Variants in SYNC observed in about 807,000 individuals in gnomAD.
SYNC encodes syncoilin.
Under a neutral mutation model 49.5 loss-of-function variants are expected in SYNC, and 38 were observed. The observed-to-expected ratio is 0.77, with a 90% CI of 0.59 to 1.01. The LOEUF is 1.01. Among genes scored for constraint, SYNC ranks in the 50% least tolerant of loss-of-function variants. The pLI is 0.00. For missense variants in SYNC, 579 were observed against 580.6 expected (o/e 1.00, Z 0.03); for synonymous variants, 201 against 230.8 (o/e 0.87, Z 1.17).
intron 3 of SYNC, 71 bp from the exon 4 acceptor site, chr1:32,684,160 T>C (rs1649646416): frequency 6.2e-7 from 1 of 1,606,122 alleles, no homozygotes; most frequent in Non-Finnish European, 8.5e-7. Flanking sequence ...TCCCAAATCC[T>C]CTTTTTGTTT....
In SYNC at chr1:32,684,101, G is replaced by C. The variant is rs905859980; in HGVS notation, c.1359-12C>G. On this transcript the variant is annotated splice_polypyrimidine_tract_variant and intron_variant, in intron 3 of 4. Coordinates refer to ENST00000409190, the MANE Select transcript of SYNC (RefSeq NM_030786.3). The stretch of plus-strand genomic sequence containing the variant: ...GTAGTAGCATAGCCCTTTAAAAAGA[G>C]AGAGCCATTTTCCATGTGTTTTTGG... 2 of 1,612,722 alleles carry C rather than the reference G, an allele frequency of 1.2e-6. No individual in the cohort carries two copies. Among genetic ancestry groups the C allele is most frequent in the Non-Finnish European group, 1.7e-6 (2 of 1,179,310 alleles).
chr1:32,684,452 A>T (rs1649678205), intron 2 of SYNC, 70 bp from the exon 3 acceptor site: 1 of 1,602,988 alleles, frequency 6.2e-7, no homozygotes, highest in African/African-American at 1.3e-5. Flanking sequence ...ACTCTTACTT[A>T]TAAAACACTT....
rs1649453965 is a variant in SYNC at position 32,681,785 on chromosome 1, T to A, written c.*65A>T. On this transcript the variant is annotated 3_prime_UTR_variant, in exon 5 of 5. Transcript: ENST00000409190. Reference sequence around the variant, plus strand: ...TGGTTGGAAGAGTACATCCAAAGGGTACTTAGTGATCCTTTGCTAAGAAGT... The same window carrying A: ...TGGTTGGAAGAGTACATCCAAAGGGAACTTAGTGATCCTTTGCTAAGAAGT... The A allele has an allele frequency of 6.2e-7, 1 of 1,613,996 alleles. No homozygotes were observed. Among genetic ancestry groups the A allele is most frequent in the South Asian group, 1.1e-5 (1 of 91,074 alleles).
In SYNC at chr1:32,691,585, G is replaced by A. The variant is rs138442788; in HGVS notation, c.1233+3280C>T. On this transcript the variant is annotated intron_variant, in intron 2 of 4. Transcript: ENST00000409190. ...AAAAAAAAAGTAGCAAGGCAATCAT[G>A]TTACTTCCCTGATTAAATCCCTTTA... Among the ~76,000 whole-genome samples, 21 of 150,304 alleles carry A rather than the reference G, an allele frequency of 1.4e-4. No homozygotes were observed. In the East Asian group the frequency reaches 3.9e-3, roughly 28 times the overall value.
At chr1:32,684,454 A>G in intron 2 of SYNC, 72 bp from the exon 3 acceptor site, 1 of 1,602,226 alleles carries the variant, frequency 6.2e-7, no homozygotes, top group Non-Finnish European at 8.5e-7. Context: ...TCTTACTTAT[A>G]AAACACTTTT....
In SYNC at chr1:32,681,861, C is replaced by T. The variant is rs574336413; in HGVS notation, c.1439-1G>A. On this transcript the variant is annotated splice_acceptor_variant, in intron 4 of 4. Transcript: ENST00000409190. LOFTEE classifies it high-confidence loss of function. ...TTGGCCATATATTTCTAAACAGCCCCTGTAAAGTTGAAAGAAAAAGTTTAT... is the reference window on the plus strand; with the variant it reads ...TTGGCCATATATTTCTAAACAGCCCTTGTAAAGTTGAAAGAAAAAGTTTAT... The T allele has an allele frequency of 3.1e-6, 5 of 1,614,052 alleles. No homozygotes were observed. The African/African-American group carries it at 4.0e-5, about 13-fold the overall frequency.
rs577008336 is a variant in SYNC at position 32,700,752 on chromosome 1, G to A, written c.53+1856C>T. Among the ~76,000 whole-genome samples the A allele has an allele frequency of 9.9e-4, 151 of 152,224 alleles. 1 individual carries two copies. Among genetic ancestry groups the A allele is most frequent in the Admixed American group, 3.1e-3 (48 of 15,266 alleles). On this transcript the variant is annotated intron_variant, in intron 1 of 4. Coordinates refer to ENST00000409190, the MANE Select transcript of SYNC (RefSeq NM_030786.3). ...CTATTATCTCCATTTTATAGATGAG[G>A]AAGCCAATGCACAGAGTAAGAACTC...
In SYNC at chr1:32,680,719, G is replaced by C; in HGVS notation, c.*1131C>G. ...AAACACCAGTCTCTGGCTTCTAGAA[G>C]AGTCCTTCAGATGACAGTTGTTGTC... On this transcript the variant is annotated 3_prime_UTR_variant, in exon 5 of 5. Transcript: ENST00000409190. 1.7e-6 allele frequency: 1 copy of C among 580,486 alleles called. No homozygotes were observed. Among genetic ancestry groups the C allele is most frequent in the East Asian group, 3.1e-5 (1 of 32,566 alleles). The allele number at this position is 580,486 out of a possible 1,614,324, so 36.0% of individuals were successfully genotyped here. A position where few individuals can be genotyped will look rare whatever the true frequency, so the allele number is the denominator to read the frequency against.
chr1:32,686,350 A>G (rs1239870908), intron 2 of SYNC: 1 of 152,178 alleles, frequency 6.6e-6, no homozygotes, highest in Non-Finnish European at 1.5e-5. Flanking sequence ...TTTTTCACCT[A>G]GACAGCCAGT....
intron 2 of SYNC, among the ~76,000 whole-genome samples, chr1:32,693,607 C>T (rs1650269452): frequency 1.3e-5 from 2 of 152,210 alleles, no homozygotes; most frequent in African/African-American, 4.8e-5. Context: ...AGCACATGTG[C>T]TCTGAGCCTT....
intron 2 of SYNC, among the ~76,000 whole-genome samples, chr1:32,692,156 C>T (rs747897145): frequency 9.2e-5 from 14 of 152,126 alleles, no homozygotes; most frequent in South Asian, 2.1e-4. Flanking sequence ...GGCGCGAACC[C>T]GGGAGGCAGA....
chr1:32,688,079 C>G (rs2148551273), intron 2 of SYNC, among the ~76,000 whole-genome samples: 1 of 152,078 alleles, frequency 6.6e-6, no homozygotes, highest in Admixed American at 6.6e-5. Flanking sequence ...AGGTGATCCA[C>G]CTGCCTCGGC....
In SYNC at chr1:32,696,055, A is replaced by T. The variant is rs1186121913; in HGVS notation, c.54-11T>A. ...TCTACTCTTGTTTTCCTGCAAAAGA[A>T]ATGATTGAAAGTGAAAGGGCAGCCA... On this transcript the variant is annotated splice_polypyrimidine_tract_variant and intron_variant, in intron 1 of 4. Coordinates refer to ENST00000409190, the MANE Select transcript of SYNC (RefSeq NM_030786.3). The T allele has an allele frequency of 6.5e-7, 1 of 1,531,604 alleles. No individual in the cohort carries two copies. Among genetic ancestry groups the T allele is most frequent in the South Asian group, 1.2e-5 (1 of 83,590 alleles). 94.9% of individuals were successfully genotyped at this position (1,531,604 alleles called of 1,614,324 possible).
At chr1:32,689,833 T>G (rs1435205357) in intron 2 of SYNC, among the ~76,000 whole-genome samples, 1 of 151,020 alleles carries the variant, frequency 6.6e-6, no homozygotes, top group African/African-American at 2.4e-5. Context: ...CCCAGCTACT[T>G]GAGAGGCTGA....
At chr1:32,696,236 C>T (rs1377479898) in intron 1 of SYNC, among the ~76,000 whole-genome samples, 192 bp from the exon 2 acceptor site, 2 of 138,002 alleles carry the variant, frequency 1.4e-5, no homozygotes, top group African/African-American at 5.4e-5. Context: ...AGCATCCCAG[C>T]GACATCACCA....
chr1:32,700,108 T>G (rs916265087), intron 1 of SYNC, among the ~76,000 whole-genome samples: 2 of 152,126 alleles, frequency 1.3e-5, no homozygotes, highest in Admixed American at 6.6e-5. Flanking sequence ...GAGCTTGCAT[T>G]AACTTTTTAC....
chr1:32,694,765 C>T, intron 2 of SYNC, 100 bp downstream of exon 2: 1 of 1,234,750 alleles, frequency 8.1e-7, no homozygotes, highest in Non-Finnish European at 1.1e-6. Context: ...ATTTTTCTTC[C>T]TACATGTGAC....
At chr1:32,700,657 A>G (rs1449039361) in intron 1 of SYNC, among the ~76,000 whole-genome samples, 1 of 152,192 alleles carries the variant, frequency 6.6e-6, no homozygotes, top group Non-Finnish European at 1.5e-5. Context: ...AGATTGCGCC[A>G]TTGCCCTCCA....
chr1:32,693,641 A>G (rs1650270888), intron 2 of SYNC, among the ~76,000 whole-genome samples: 1 of 152,186 alleles, frequency 6.6e-6, no homozygotes, highest in Admixed American at 6.6e-5. Flanking sequence ...TAATACAACA[A>G]TAAGTAAAAT....
Sources: allele counts gnomAD v4.1 joint callset (sites outside exome capture counted in the v4.1 genomes callset), GRCh38; gene constraint gnomAD v4.1.1; transcripts MANE v1.5; gene names NCBI Gene and HGNC (gene_info 2026-07-23, HGNC 2026-07-21).